The following MARCHF1 variants were observed in gnomAD, a reference collection of about 807,000 sequenced individuals.
MARCHF1 encodes the protein E3 ubiquitin-protein ligase MARCHF1.
Under a neutral mutation model 54.2 loss-of-function variants are expected in MARCHF1, and 40 were observed. The ratio of observed to expected loss-of-function variants is 0.74; its 90% CI spans 0.57 to 0.96. The LOEUF (loss-of-function observed/expected upper bound fraction) is 0.96. Among genes scored for constraint, MARCHF1 ranks in the 40% least tolerant of loss-of-function variants. MARCHF1 has a pLI of 0.00. For synonymous variants in MARCHF1, 236 were observed against 236.3 expected, an observed-to-expected ratio of 1.00 and a Z score of 0.01; for missense variants, 586 against 656.5, an observed-to-expected ratio of 0.89 and a Z score of 1.17.
At chr4:164,215,519 G>A (rs1302079745) in intron 1 of MARCHF1, among the ~76,000 whole-genome samples, 5 of 152,134 alleles carry the variant, frequency 3.3e-5, no homozygotes, top group Non-Finnish European at 5.9e-5. Context: ...TCTTCACCTA[G>A]GTCTGTGGGC....
chr4:164,065,654 A>G (rs1026615955), intron 2 of MARCHF1, among the ~76,000 whole-genome samples: 5 of 152,200 alleles, frequency 3.3e-5, no homozygotes, highest in Admixed American at 6.5e-5. Context: ...ATGATAGGCC[A>G]TCTGTAAGCT....
intron 1 of MARCHF1, among the ~76,000 whole-genome samples, chr4:164,264,572 A>G (rs1257587203): frequency 6.6e-6 from 1 of 152,098 alleles, no homozygotes; most frequent in Non-Finnish European, 1.5e-5. Flanking sequence ...ATTCCTTTCA[A>G]CTGATGAGGA....
At chr4:164,085,411 T>G (rs980672629) in intron 2 of MARCHF1, among the ~76,000 whole-genome samples, 3 of 151,790 alleles carry the variant, frequency 2.0e-5, no homozygotes, top group African/African-American at 7.2e-5. Context: ...AACATGCACT[T>G]AAGGGAAATG....
intron 5 of MARCHF1, among the ~76,000 whole-genome samples, chr4:163,648,933 C>T (rs1031966038): frequency 2.0e-5 from 3 of 147,088 alleles, no homozygotes; most frequent in Non-Finnish European, 3.0e-5. Flanking sequence ...AAAAAAAAAA[C>T]CTTACAGGAG....
intron 3 of MARCHF1, among the ~76,000 whole-genome samples, chr4:163,934,977 C>G (rs893756560): frequency 6.6e-6 from 1 of 152,064 alleles, no homozygotes; most frequent in South Asian, 2.1e-4. Context: ...TCTATGGCAG[C>G]TACAGTACAG....
rs572266255 is a variant in MARCHF1, at chr4:164,027,758, TAA to T, written c.-247-39051_-247-39050del. ...AACAAAAATTAGTAAGTGAGACCTA[TAA>T]AGAGTTTCTGCACTGCAAAATAATC... is the stretch of plus-strand genomic sequence containing the variant. On this transcript the variant is annotated intron_variant, in intron 2 of 9. Transcript: ENST00000514618. Among the ~76,000 whole-genome samples the T allele has an allele frequency of 3.2e-3, 483 of 151,938 alleles. 3 individuals carry two copies. The highest frequency in any genetic ancestry group is 0.011 in the African/African-American group (466 of 41,512).
intron 1 of MARCHF1, among the ~76,000 whole-genome samples, chr4:164,364,494 T>C (rs1242924672): frequency 6.6e-6 from 1 of 152,074 alleles, no homozygotes; most frequent in African/African-American, 2.4e-5. Context: ...TAATGACAAA[T>C]CTACTCATTT....
intron 3 of MARCHF1, among the ~76,000 whole-genome samples, chr4:163,859,816 T>C (rs1749874123): frequency 6.6e-6 from 1 of 152,166 alleles, no homozygotes. Context: ...GAGATGTAAG[T>C]GACCCCAAAG....
intron 3 of MARCHF1, among the ~76,000 whole-genome samples, chr4:163,898,693 C>A (rs543826871): frequency 6.6e-6 from 1 of 152,094 alleles, no homozygotes; most frequent in South Asian, 2.1e-4. Flanking sequence ...GAGTATCTAC[C>A]CAATGGAAAA....
intron 1 of MARCHF1, among the ~76,000 whole-genome samples, chr4:164,221,668 T>C (rs1048761144): frequency 3.9e-4 from 60 of 152,004 alleles, no homozygotes; most frequent in African/African-American, 1.4e-3. Flanking sequence ...ATCTTTTTCT[T>C]CTCTCCTCCA....
intron 4 of MARCHF1, among the ~76,000 whole-genome samples, chr4:163,844,635 T>C (rs1015435079): frequency 2.6e-5 from 4 of 152,222 alleles, no homozygotes; most frequent in African/African-American, 4.8e-5. Flanking sequence ...GAAGATATTT[T>C]CCAACTGGGT....
rs181979091 is a variant in MARCHF1, at chr4:164,017,996, C to G, written c.-247-29287G>C. Among the ~76,000 whole-genome samples the G allele has an allele frequency of 1.5e-3, 221 of 151,972 alleles. 1 individual carries two copies. Among genetic ancestry groups the G allele is most frequent in the African/African-American group, 5.2e-3 (214 of 41,512 alleles). On this transcript the variant is annotated intron_variant, in intron 2 of 9. Coordinates refer to ENST00000514618, the MANE Select transcript of MARCHF1 (RefSeq NM_001394959.1). The stretch of plus-strand genomic sequence containing the variant: ...AAATAAAAAGTTTTGGAATACTTTC[C>G]ACACATATGCAGTCAATTGATTTTT...
intron 5 of MARCHF1, among the ~76,000 whole-genome samples, chr4:163,622,395 A>C (rs2110963048): frequency 6.6e-6 from 1 of 152,278 alleles, no homozygotes; most frequent in South Asian, 2.1e-4. Context: ...AGAAACCCTA[A>C]AAAACTGAAT....
chr4:164,014,799 T>A (rs1016271964), intron 2 of MARCHF1, among the ~76,000 whole-genome samples: 1 of 152,098 alleles, frequency 6.6e-6, no homozygotes, highest in South Asian at 2.1e-4. Context: ...CATTATATAA[T>A]GATAAAGGGA....
chr4:163,750,634 C>T (rs185237917), intron 4 of MARCHF1, among the ~76,000 whole-genome samples: 1 of 152,244 alleles, frequency 6.6e-6, no homozygotes, highest in Admixed American at 6.5e-5. Flanking sequence ...CAAATAATTT[C>T]AAGCACACAC....
intron 3 of MARCHF1, among the ~76,000 whole-genome samples, chr4:163,966,823 G>C (rs1009715890): frequency 6.6e-6 from 1 of 152,230 alleles, no homozygotes; most frequent in East Asian, 1.9e-4. Flanking sequence ...GCTCCAGCAG[G>C]AAAGTCACAC....
At chr4:164,302,970 A>G (rs1230276125) in intron 1 of MARCHF1, among the ~76,000 whole-genome samples, 1 of 152,158 alleles carries the variant, frequency 6.6e-6, no homozygotes, top group Non-Finnish European at 1.5e-5. Context: ...AGATAGACAT[A>G]ATTACAAGTA....
intron 8 of MARCHF1, among the ~76,000 whole-genome samples, chr4:163,550,507 CTTTTTT>C (rs35963243): frequency 2.8e-5 from 4 of 142,208 alleles, no homozygotes; most frequent in Non-Finnish European, 4.6e-5. Context: ...TACGGTAGCC[CTTTTTT>C]TTTTTTTTTT....
intron 3 of MARCHF1, among the ~76,000 whole-genome samples, chr4:163,968,985 T>G (rs1413904480): frequency 6.6e-6 from 1 of 152,090 alleles, no homozygotes; most frequent in Non-Finnish European, 1.5e-5. Context: ...ATATCCTGGA[T>G]TACAGAGCTC....
Sources: allele counts gnomAD v4.1 joint callset (sites outside exome capture counted in the v4.1 genomes callset), GRCh38; gene constraint gnomAD v4.1.1; transcripts MANE v1.5; gene names NCBI Gene and HGNC (gene_info 2026-07-23, HGNC 2026-07-21).